The following ACTR3C variants were observed in gnomAD, a reference collection of about 807,000 sequenced individuals.
The protein encoded by ACTR3C is actin-related protein 3C.
ACTR3C carries 18 observed loss-of-function variants against 26.3 expected under a neutral mutation model. That is an observed-to-expected ratio of 0.68 (90% CI 0.47 to 1.01). The LOEUF (loss-of-function observed/expected upper bound fraction) is 1.01, where lower values mean the gene tolerates loss of function less well. Ranked by LOEUF, ACTR3C falls within the 50% of genes least tolerant of loss-of-function variation. ACTR3C has a pLI of 0.00. For missense variants in ACTR3C, 184 were observed against 250.7 expected (o/e 0.73, Z 1.80); for synonymous variants, 55 against 94.5 (o/e 0.58, Z 2.42).
At chr7:149,911,610 C>T in the ACTR3C span, among the ~76,000 whole-genome samples, 2 of 151,464 alleles carry the variant, frequency 1.3e-5, no homozygotes, top group Non-Finnish European at 1.5e-5. Flanking sequence ...AAATCACAGA[C>T]ATCATCTCCT....
At chr7:150,143,575 C>T in the ACTR3C span, among the ~76,000 whole-genome samples, 6 of 152,192 alleles carry the variant, frequency 3.9e-5, no homozygotes, top group African/African-American at 1.4e-4. Context: ...CCCCTCACAC[C>T]CTGAGTCCTC....
chr7:150,225,736 C>T, the ACTR3C span, among the ~76,000 whole-genome samples: 1 of 152,150 alleles, frequency 6.6e-6, no homozygotes. Flanking sequence ...TTCTAGGATT[C>T]CCTGACCTCC....
the ACTR3C span, among the ~76,000 whole-genome samples, chr7:149,936,429 C>T: frequency 6.6e-6 from 1 of 152,184 alleles, no homozygotes; most frequent in East Asian, 1.9e-4. Context: ...ACAATGTAGA[C>T]CACACAAGCA....
At chr7:150,024,434 T>C in the ACTR3C span, among the ~76,000 whole-genome samples, 3 of 149,584 alleles carry the variant, frequency 2.0e-5, no homozygotes, top group South Asian at 6.4e-4. Flanking sequence ...CAGACAACCA[T>C]ACACGTGGGA....
chr7:149,943,626 G>T, the ACTR3C span, among the ~76,000 whole-genome samples: 1 of 152,148 alleles, frequency 6.6e-6, no homozygotes, highest in Non-Finnish European at 1.5e-5. Flanking sequence ...TACTTAGGAG[G>T]CTTGAACCTA....
At chr7:150,178,514 C>A in the ACTR3C span, among the ~76,000 whole-genome samples, 1 of 150,408 alleles carries the variant, frequency 6.6e-6, no homozygotes, top group Non-Finnish European at 1.5e-5. Context: ...GAACTCCTGA[C>A]CTCAGGTGAT....
chr7:150,191,374 C>G, the ACTR3C span, among the ~76,000 whole-genome samples: 1 of 152,144 alleles, frequency 6.6e-6, no homozygotes, highest in African/African-American at 2.4e-5. Flanking sequence ...AATGATTTAG[C>G]TTTTTGTTAA....
the ACTR3C span, among the ~76,000 whole-genome samples, chr7:150,212,648 GA>G: frequency 6.6e-6 from 1 of 151,848 alleles, no homozygotes; most frequent in African/African-American, 2.4e-5. Flanking sequence ...TTTTCAGAAT[GA>G]AGAACAATGG....
chr7:150,068,642 G>T, the ACTR3C span, among the ~76,000 whole-genome samples: 3 of 150,226 alleles, frequency 2.0e-5, no homozygotes, highest in African/African-American at 7.3e-5. Context: ...AAATAGGCGG[G>T]TGTGGTGGCG....
the ACTR3C span, among the ~76,000 whole-genome samples, chr7:149,904,522 C>T: frequency 8.9e-6 from 1 of 112,682 alleles, no homozygotes; most frequent in African/African-American, 2.8e-5. Context: ...CAGAGCAAGA[C>T]TCCATCTCAA....
At chr7:149,934,776 C>T in the ACTR3C span, among the ~76,000 whole-genome samples, 5 of 145,932 alleles carry the variant, frequency 3.4e-5, no homozygotes, top group African/African-American at 1.0e-4. Context: ...CCCCACACCA[C>T]GCTGCCTCTG....
At chr7:150,028,629 C>A in the ACTR3C span, among the ~76,000 whole-genome samples, 6 of 152,280 alleles carry the variant, frequency 3.9e-5, no homozygotes, top group Non-Finnish European at 5.9e-5. Flanking sequence ...TTTATCCCCC[C>A]ACCTGACACT....
the ACTR3C span, among the ~76,000 whole-genome samples, chr7:149,936,788 T>A: frequency 2.0e-5 from 3 of 152,138 alleles, no homozygotes; most frequent in African/African-American, 7.2e-5. Flanking sequence ...TATTTTATTT[T>A]ATTTTTATTT....
At chr7:150,140,028 AC>A in the ACTR3C span, among the ~76,000 whole-genome samples, 2 of 148,276 alleles carry the variant, frequency 1.3e-5, no homozygotes, top group African/African-American at 5.0e-5. Flanking sequence ...ACACACACGT[AC>A]ACACATACAC....
At chr7:149,970,366 G>A in the ACTR3C span, among the ~76,000 whole-genome samples, 6 of 151,894 alleles carry the variant, frequency 4.0e-5, no homozygotes, top group African/African-American at 1.2e-4. Context: ...CATCTTGGAA[G>A]CAAAATCCTG....
chr7:150,322,461 G>A (rs113973101), intron 1 of ACTR3C, among the ~76,000 whole-genome samples: 24 of 152,310 alleles, frequency 1.6e-4, no homozygotes, highest in African/African-American at 5.1e-4. Context: ...TAATTATAAT[G>A]CATTAGCATG....
chr7:150,034,916 C>A, the ACTR3C span, among the ~76,000 whole-genome samples: 2 of 140,122 alleles, frequency 1.4e-5, no homozygotes, highest in East Asian at 2.1e-4. Flanking sequence ...CCCCACCCTG[C>A]GATGGGGGTA....
chr7:150,299,236 C>T (rs1166051289), intron 1 of ACTR3C, among the ~76,000 whole-genome samples: 1 of 151,148 alleles, frequency 6.6e-6, no homozygotes, highest in Non-Finnish European at 1.5e-5. Flanking sequence ...ACCACTTCGG[C>T]CTCCCAAAGG....
chr7:150,206,125 C>A, the ACTR3C span, among the ~76,000 whole-genome samples: 8 of 152,194 alleles, frequency 5.3e-5, no homozygotes, highest in Non-Finnish European at 1.0e-4. Flanking sequence ...CTCATGATTT[C>A]TGTGATCTCT....
Sources: allele counts gnomAD v4.1 joint callset (sites outside exome capture counted in the v4.1 genomes callset), GRCh38; gene constraint gnomAD v4.1.1; transcripts MANE v1.5; gene names NCBI Gene and HGNC (gene_info 2026-07-23, HGNC 2026-07-21).